ZNF317: variants seen among roughly 807,000 people sequenced by gnomAD.
ZNF317 encodes the protein KRAB-containing zinc finger protein 317.
A neutral mutation model predicts 23.4 loss-of-function variants in ZNF317; 17 were observed. That is an observed-to-expected ratio of 0.73 (90% confidence interval 0.50 to 1.09). ZNF317 has a LOEUF of 1.09. ZNF317 is among the 50% of genes least tolerant of loss of function. ZNF317 has a pLI of 0.00. For synonymous variants in ZNF317, 317 were observed against 314.9 expected (o/e 1.01, Z -0.07); for missense variants, 679 against 796.7 (o/e 0.85, Z 1.78).
Position 9,156,140 on chromosome 19 carries a change from G to C in ZNF317, c.25+99G>C, listed in dbSNP as rs3752198. The C allele has an allele frequency of 4.5e-5, 66 of 1,475,240 alleles. No homozygotes were observed. The East Asian group carries it at 1.5e-3, about 33-fold the overall frequency. The allele number at this position is 1,475,240 out of a possible 1,614,324, so 91.4% of individuals were successfully genotyped here. ...TACGTACACCATAGAGGGCTGCTGG[G>C]AGAGGATGGGCAAGTGGAAAAGGGG... On this transcript the variant is annotated intron_variant, in intron 2 of 6. Coordinates refer to ENST00000247956, the MANE Select transcript of ZNF317 (RefSeq NM_020933.5).
intron 3 of ZNF317, 149 bp downstream of exon 3, chr19:9,156,897 C>A: frequency 9.9e-7 from 1 of 1,009,738 alleles, no homozygotes; most frequent in Non-Finnish European, 1.4e-6. Flanking sequence ...TGGGGCTGTC[C>A]TGGTGTTGGG....
chr19:9,148,159 G>A (rs983240236), intron 1 of ZNF317, among the ~76,000 whole-genome samples: 5 of 152,184 alleles, frequency 3.3e-5, no homozygotes. Context: ...ACAGAACTGT[G>A]AGCCAATTAA....
In ZNF317 at chr19:9,160,701, C is replaced by T; in HGVS notation, c.1056C>T (p.His352=). The change falls in exon 7 of 7, where the codon CAC becomes CAT. Residue 352 remains histidine, a synonymous_variant. Transcript: ENST00000247956. This position sits in a 1 kb window ranked among gnomAD's most constrained non-coding sequence, Gnocchi z 6.8. ...AFQHPSHLKE[H]VRNHTGEKPY... ...AGCACCCCTCCCACCTCAAAGAGCA[C>T]GTGAGGAATCACACGGGGGAGAAGC... The T allele has an allele frequency of 1.9e-6, 3 of 1,614,162 alleles. No individual in the cohort carries two copies. Among genetic ancestry groups the T allele is most frequent in the South Asian group, 1.1e-5 (1 of 91,084 alleles).
intron 1 of ZNF317, among the ~76,000 whole-genome samples, chr19:9,152,493 G>T (rs1390150492): frequency 6.6e-6 from 1 of 152,170 alleles, no homozygotes; most frequent in Admixed American, 6.5e-5. Flanking sequence ...CCTCCTGTCA[G>T]ATCATCAGCA....
In ZNF317 at chr19:9,157,014, G is replaced by A. The variant is rs868005762; in HGVS notation, c.163-254G>A. On this transcript the variant is annotated intron_variant, in intron 3 of 6. Transcript: ENST00000247956. ...GGGGGAAATAAAGGGCAAAGCTCTC[G>A]GAGTGGGCTAGAACTGGAGGGAGAT... The A allele has an allele frequency of 1.1e-4, 73 of 634,902 alleles. 1 individual carries two copies. The highest frequency in any genetic ancestry group is 6.8e-4 in the South Asian group (32 of 47,368). The allele number at this position is 634,902 out of a possible 1,614,324, so 39.3% of individuals were successfully genotyped here. A position where few individuals can be genotyped will look rare whatever the true frequency, so the allele number is the denominator to read the frequency against.
chr19:9,153,312 C>A (rs931304413), intron 1 of ZNF317, among the ~76,000 whole-genome samples: 3 of 132,534 alleles, frequency 2.3e-5, no homozygotes, highest in African/African-American at 8.2e-5. Context: ...CAGGCATGCA[C>A]CACCATGCCC....
intron 1 of ZNF317, among the ~76,000 whole-genome samples, chr19:9,150,167 C>A (rs2050723838): frequency 6.6e-6 from 1 of 152,112 alleles, no homozygotes; most frequent in African/African-American, 2.4e-5. Flanking sequence ...AAGTAGCCAC[C>A]TGGCTGCCAC....
chr19:9,149,483 A>G lies in ZNF317; in HGVS notation c.-92-6442A>G, dbSNP rs1206577483. Among the ~76,000 whole-genome samples, 4 of 152,214 alleles carry G rather than the reference A, an allele frequency of 2.6e-5. No homozygotes were observed. In the East Asian group the frequency reaches 7.7e-4, roughly 29 times the overall value. ...CGAGACTCCATCTCAAAAGAAAAGA[A>G]AAGAGTGGCCAGTGAATGCCAGATC... On this transcript the variant is annotated intron_variant, in intron 1 of 6. Transcript: ENST00000247956.
chr19:9,155,279 T>G (rs954045100), intron 1 of ZNF317, among the ~76,000 whole-genome samples: 4 of 152,202 alleles, frequency 2.6e-5, no homozygotes. Context: ...GCAGCTGTTC[T>G]CTATGAATTT....
chr19:9,156,011 CTG>C lies in ZNF317; in HGVS notation c.-5_-4del, dbSNP rs1399446421. On this transcript the variant is annotated 5_prime_UTR_variant, in exon 2 of 7. Coordinates refer to ENST00000247956, the MANE Select transcript of ZNF317 (RefSeq NM_020933.5). Reference sequence around the variant, plus strand: ...GCTCAGGCAAACTGACTGCCATTCTCTGAGGATGGCAGCTCTGTCCCCCACAT... The same window carrying C: ...GCTCAGGCAAACTGACTGCCATTCTCAGGATGGCAGCTCTGTCCCCCACAT... The C allele has an allele frequency of 6.2e-7, 1 of 1,614,170 alleles. No homozygotes were observed. The highest frequency in any genetic ancestry group is 1.7e-5 in the Admixed American group (1 of 60,026).
intron 1 of ZNF317, among the ~76,000 whole-genome samples, chr19:9,155,719 C>A (rs1201235005): frequency 6.6e-6 from 1 of 152,144 alleles, no homozygotes; most frequent in Non-Finnish European, 1.5e-5. Flanking sequence ...TAATTCTGAA[C>A]CCACTTATAG....
chr19:9,159,030 C>G (rs2050819067), intron 6 of ZNF317, 122 bp downstream of exon 6: 1 of 674,840 alleles, frequency 1.5e-6, no homozygotes, highest in African/African-American at 1.8e-5. Flanking sequence ...GACTGTGTTT[C>G]AGAGACACTG....
Position 9,158,363 on chromosome 19 carries a change from C to CTTTTTTTTTTTTTT in ZNF317, c.385+303_385+316dup, listed in dbSNP as rs200591339. ...CTGAATTGCCTTAAATTTCTTTTTT[C>CTTTTTTTTTTTTTT]TTTTTTTTTTTTTTTTTTTTTTTTT... On this transcript the variant is annotated intron_variant, in intron 5 of 6. Transcript: ENST00000247956. Among the ~76,000 whole-genome samples, 256 of 76,538 alleles carry CTTTTTTTTTTTTTT rather than the reference C, an allele frequency of 3.3e-3. 60 individuals carry two copies. The highest frequency in any genetic ancestry group is 4.7e-3 in the African/African-American group (73 of 15,674). The allele number at this position is 76,538 out of a possible 152,430, so 50.2% of individuals were successfully genotyped here. A position where few individuals can be genotyped will look rare whatever the true frequency, so the allele number is the denominator to read the frequency against.
At chr19:9,142,026 G>A (rs759290981) in intron 1 of ZNF317, among the ~76,000 whole-genome samples, 2 of 152,134 alleles carry the variant, frequency 1.3e-5, no homozygotes, top group Non-Finnish European at 2.9e-5. Context: ...GGCTGGTCTC[G>A]ATCTCCTGAC....
At chr19:9,144,740 TCA>T (rs1227361956) in intron 1 of ZNF317, among the ~76,000 whole-genome samples, 1 of 152,224 alleles carries the variant, frequency 6.6e-6, no homozygotes, top group East Asian at 1.9e-4. Context: ...TTCATTATAC[TCA>T]CATGTTTATC....
At chr19:9,147,987 G>C (rs1486022568) in intron 1 of ZNF317, among the ~76,000 whole-genome samples, 1 of 152,052 alleles carries the variant, frequency 6.6e-6, no homozygotes, top group Non-Finnish European at 1.5e-5. Context: ...GAGTTCTCCT[G>C]AGATCCGGTC....
chr19:9,147,013 A>G (rs1568311108), intron 1 of ZNF317, among the ~76,000 whole-genome samples: 1 of 152,110 alleles, frequency 6.6e-6, no homozygotes, highest in African/African-American at 2.4e-5. Flanking sequence ...GGCTGGAGCA[A>G]GGGTGAGGTT....
intron 1 of ZNF317, among the ~76,000 whole-genome samples, chr19:9,155,170 G>A (rs896770400): frequency 6.6e-6 from 1 of 151,768 alleles, no homozygotes; most frequent in African/African-American, 2.4e-5. Context: ...CCCAATCCGT[G>A]GTTCACTGTT....
At chr19:9,158,562 C>T (rs2050813652) in intron 5 of ZNF317, among the ~76,000 whole-genome samples, 1 of 151,804 alleles carries the variant, frequency 6.6e-6, no homozygotes, top group South Asian at 2.1e-4. Flanking sequence ...TGGTCTCGAA[C>T]ACCTGACCTC....
Sources: gnomAD v4.1 joint callset for allele counts (sites outside exome capture counted in the v4.1 genomes callset) on GRCh38, gnomAD v4.1.1 for gene constraint, Gnocchi (gnomAD v3.1) non-coding constraint, MANE v1.5 for transcripts, NCBI Gene and HGNC (gene_info 2026-07-23, HGNC 2026-07-21) for gene names.